Variants in USP42 observed in about 807,000 individuals in gnomAD.
The protein encoded by USP42 is ubiquitin carboxyl-terminal hydrolase 42.
Under a neutral mutation model 113.0 loss-of-function variants are expected in USP42, and 23 were observed. The ratio of observed to expected loss-of-function variants is 0.20; its 90% CI spans 0.15 to 0.29. USP42 has a LOEUF of 0.29. Ranked by LOEUF, USP42 falls within the 10% of genes least tolerant of loss-of-function variation. The pLI is 1.00. For synonymous variants in USP42, 933 were observed against 699.0 expected (o/e 1.33, Z -5.28); for missense variants, 2,174 against 1,779.8 (o/e 1.22, Z -3.99).
At chr7:6,113,251 G>A (rs1422897025) in intron 2 of USP42, among the ~76,000 whole-genome samples, 1 of 152,116 alleles carries the variant, frequency 6.6e-6, no homozygotes, top group African/African-American at 2.4e-5. Flanking sequence ...GCTTGCTGAA[G>A]GTGTTTTGGG....
chr7:6,154,487 A>T lies in USP42; in HGVS notation c.2933A>T (p.His978Leu). ...ESRSKTEGHR[H>L]RRRRTCPRER... is the part of the protein sequence containing the mutation. ...AGGAGCAAGACTGAGGGCCACCGTCACCGGCGGCGCCGCACCTGCCCCCGG... is the reference window on the plus strand; with the variant it reads ...AGGAGCAAGACTGAGGGCCACCGTCTCCGGCGGCGCCGCACCTGCCCCCGG... The change falls in exon 15 of 18, where the codon CAC becomes CTC. Residue 978 changes from histidine (H) to leucine (L), a missense_variant. By Grantham distance (99) the His-to-Leu change is moderately conservative. Coordinates refer to ENST00000306177, the MANE Select transcript of USP42 (RefSeq NM_032172.3). The T allele has an allele frequency of 6.5e-7, 1 of 1,547,860 alleles. No homozygotes were observed. Among genetic ancestry groups the T allele is most frequent in the Non-Finnish European group, 8.7e-7 (1 of 1,146,540 alleles).
rs1170039328 is a variant in USP42, at chr7:6,153,802, C to T, written c.2248C>T (p.Pro750Ser). 1 of 1,519,228 alleles carries T rather than the reference C, an allele frequency of 6.6e-7. No individual in the cohort carries two copies. The highest frequency in any genetic ancestry group is 8.8e-7 in the Non-Finnish European group (1 of 1,131,912). 94.1% of individuals were successfully genotyped at this position (1,519,228 alleles called of 1,614,324 possible). A position where few individuals can be genotyped will look rare whatever the true frequency, so the allele number is the denominator to read the frequency against. Residue 750 changes from proline to serine, a missense_variant, in exon 15 of 18, where the codon CCT becomes TCT. By Grantham distance (74) the Pro-to-Ser change is moderately conservative. Transcript: ENST00000306177. The part of the protein sequence containing the change: ...RGPPEDRDAE[P>S]QPGSPAAESL... ...CCCTCCCGAGGACCGCGACGCCGAG[C>T]CTCAGCCTGGCAGCCCCGCCGCCGA...
At chr7:6,096,889 C>G in the USP42 span, among the ~76,000 whole-genome samples, 1 of 150,656 alleles carries the variant, frequency 6.6e-6, no homozygotes, top group African/African-American at 2.5e-5. Context: ...TACCCAGTCT[C>G]TGACACTCCA....
chr7:6,112,443 CTG>C (rs1779647749), intron 2 of USP42, among the ~76,000 whole-genome samples: 1 of 151,542 alleles, frequency 6.6e-6, no homozygotes, highest in South Asian at 2.1e-4. Context: ...GAGTGAGACT[CTG>C]TCTCAAAAAG....
intron 10 of USP42, 113 bp from the exon 11 acceptor site, chr7:6,146,035 C>G (rs1781699146): frequency 5.9e-6 from 5 of 846,094 alleles, no homozygotes; most frequent in South Asian, 1.6e-5. Flanking sequence ...GCACTCCAGC[C>G]TGGGTGACAG....
chr7:6,103,738 C>CAAAAAAAAAAA (rs398066574), upstream of USP42, among the ~76,000 whole-genome samples: 1 of 100,916 alleles, frequency 9.9e-6, no homozygotes, highest in Non-Finnish European at 1.8e-5. Context: ...CCCGTCTCTA[C>CAAAAAAAAAAA]AAAAAAAAAA....
intron 3 of USP42, among the ~76,000 whole-genome samples, chr7:6,126,288 C>G (rs1412188854): frequency 7.0e-6 from 1 of 142,794 alleles, no homozygotes; most frequent in East Asian, 2.0e-4. Flanking sequence ...GCCACAGTTT[C>G]TTTTTTTTTT....
the USP42 span, among the ~76,000 whole-genome samples, chr7:6,094,500 T>C: frequency 6.6e-6 from 1 of 151,226 alleles, no homozygotes; most frequent in East Asian, 1.9e-4. Flanking sequence ...CTCCATTCTG[T>C]TGTGGATGTA....
At position 6,151,069 on chromosome 7, in the gene USP42, G is replaced by C. The variant is rs112245957; in HGVS notation, c.2201+563G>C. Among the ~76,000 whole-genome samples the C allele has an allele frequency of 2.1e-3, 313 of 152,244 alleles. 1 individual carries two copies. The highest frequency in any genetic ancestry group is 7.3e-3 in the African/African-American group (303 of 41,522). On this transcript the variant is annotated intron_variant, in intron 14 of 17. Coordinates refer to ENST00000306177, the MANE Select transcript of USP42 (RefSeq NM_032172.3). ...ATCCCGTAGGCAGCTGTAATACAGTGGTATTTGTGTATCTAAACATAGAAA... is the reference window on the plus strand; with the variant it reads ...ATCCCGTAGGCAGCTGTAATACAGTCGTATTTGTGTATCTAAACATAGAAA...
rs374371556 is a variant in USP42, at chr7:6,154,249, C to T, written c.2695C>T (p.Pro899Ser). ...GGGCGCACCCGAGGCCGCAGAGCGGCCGCCAGCTCCTGTGCTGGACATGGC... is the reference window on the plus strand; with the variant it reads ...GGGCGCACCCGAGGCCGCAGAGCGGTCGCCAGCTCCTGTGCTGGACATGGC... ...SLGAPEAAER[P>S]PAPVLDMAPA... The change falls in exon 15 of 18, where the codon CCG (proline) becomes TCG (serine). Residue 899 changes from proline to serine, a missense_variant. Transcript: ENST00000306177. The T allele has an allele frequency of 3.7e-6, 6 of 1,604,436 alleles. No homozygotes were observed. The African/African-American group carries it at 4.0e-5, about 11-fold the overall frequency.
chr7:6,154,626 C>A lies in USP42; in HGVS notation c.3072C>A (p.His1024Gln), dbSNP rs775125730. The A allele has an allele frequency of 1.4e-5, 23 of 1,600,568 alleles. No individual in the cohort carries two copies. In the East Asian group the frequency reaches 5.2e-4, roughly 36 times the overall value. The change falls in exon 15 of 18, where the codon CAC becomes CAA. Residue 1024 changes from histidine (H) to glutamine (Q), a missense_variant. His to Gln is a conservative substitution (Grantham distance 24, BLOSUM62 0). Coordinates refer to ENST00000306177, the MANE Select transcript of USP42 (RefSeq NM_032172.3). The stretch of plus-strand genomic sequence containing the variant: ...GGTGCAGTCACCACCACTCCCGACA[C>A]CGGAGCGGGGTGGAGCTGGACTGGG... ...LGRCSHHHSR[H>Q]RSGVELDWVR...
Position 6,159,451 on chromosome 7 carries a change from T to C in USP42, c.3945T>C (p.Gly1315=). The part of the protein sequence containing the change: ...DRCRLFEYGQ[G]D Reference sequence around the variant, plus strand: ...TCTTTCCTGACCTTTGCTTTCTAGGTGATTGAAAACTCAGCCTCAAAACAA... The same window carrying C: ...TCTTTCCTGACCTTTGCTTTCTAGGCGATTGAAAACTCAGCCTCAAAACAA... The change falls in exon 17 of 18, where the codon GGT becomes GGC. Residue 1315 remains glycine (G), a splice_region_variant and synonymous_variant. Transcript: ENST00000306177. This position sits in a 1 kb window ranked among gnomAD's most constrained non-coding sequence, Gnocchi z 4.1. The C allele has an allele frequency of 1.9e-6, 3 of 1,613,992 alleles. No homozygotes were observed. Among genetic ancestry groups the C allele is most frequent in the Non-Finnish European group, 2.5e-6 (3 of 1,179,880 alleles).
At chr7:6,091,831 C>T in the USP42 span, among the ~76,000 whole-genome samples, 1 of 150,706 alleles carries the variant, frequency 6.6e-6, no homozygotes, top group Non-Finnish European at 1.5e-5. Context: ...CTTGATCCCT[C>T]CCACCACAGC....
chr7:6,160,946 T>C lies in USP42; in HGVS notation c.*428T>C, dbSNP rs1782742793. 1.3e-5 allele frequency: 2 copies of C among 152,662 alleles called. No homozygotes were observed. Among genetic ancestry groups the C allele is most frequent in the South Asian group, 4.1e-4 (2 of 4,836 alleles). 9.5% of individuals were successfully genotyped at this position (152,662 alleles called of 1,614,324 possible). ...ACAAACTGACAGTGTGTATATTTAA[T>C]TTAAAGACTTATTTAAAAACTCACA... On this transcript the variant is annotated 3_prime_UTR_variant, in exon 18 of 18. Coordinates refer to ENST00000306177, the MANE Select transcript of USP42 (RefSeq NM_032172.3).
rs183267400 is a variant in USP42 at position 6,135,579 on chromosome 7, G to A, written c.443-262G>A. Among the ~76,000 whole-genome samples, 315 of 146,588 alleles carry A rather than the reference G, an allele frequency of 2.1e-3. 1 individual carries two copies. Among genetic ancestry groups the A allele is most frequent in the African/African-American group, 7.5e-3 (295 of 39,390 alleles). ...GGCAGGCAAATGGCTTGGACCCGGG[G>A]AGGCCGAGGTTGCAGTGAGCCAGGG... On this transcript the variant is annotated intron_variant, in intron 3 of 17. Coordinates refer to ENST00000306177, the MANE Select transcript of USP42 (RefSeq NM_032172.3).
chr7:6,096,361 T>C, the USP42 span, among the ~76,000 whole-genome samples: 26,257 of 150,812 alleles, frequency 0.17, 2,893 homozygotes, highest in Admixed American at 0.23. Context: ...TAGGGTTTTA[T>C]GGGGTGATGG....
chr7:6,136,690 C>T (rs548332369), intron 4 of USP42, among the ~76,000 whole-genome samples: 2 of 152,020 alleles, frequency 1.3e-5, no homozygotes, highest in East Asian at 3.8e-4. Context: ...CAGAAATTGT[C>T]AAAATAAAGT....
At chr7:6,096,564 G>A in the USP42 span, among the ~76,000 whole-genome samples, 1 of 151,346 alleles carries the variant, frequency 6.6e-6, no homozygotes, top group East Asian at 1.9e-4. Flanking sequence ...TCTGTCAGGA[G>A]CTGGTTTAAA....
At chr7:6,105,213 G>A (rs2128471644) in intron 1 of USP42, among the ~76,000 whole-genome samples, 181 bp downstream of exon 1, 1 of 145,496 alleles carries the variant, frequency 6.9e-6, no homozygotes, top group Middle Eastern at 3.5e-3. Flanking sequence ...CCGCCGCTCT[G>A]GGGGCTGCGG....
Sources: allele counts gnomAD v4.1 joint callset (sites outside exome capture counted in the v4.1 genomes callset), GRCh38; gene constraint gnomAD v4.1.1; non-coding constraint Gnocchi (gnomAD v3.1); transcripts MANE v1.5; gene names NCBI Gene and HGNC (gene_info 2026-07-23, HGNC 2026-07-21).